NIPBL: variants seen among roughly 807,000 people sequenced by gnomAD.
NIPBL encodes nipped-B-like protein.
NIPBL carries 19 observed loss-of-function variants against 321.8 expected under a neutral mutation model. That is an observed-to-expected ratio of 0.06 (90% confidence interval 0.04 to 0.09). NIPBL has a LOEUF of 0.09. Ranked by LOEUF, NIPBL falls within the 10% of genes least tolerant of loss-of-function variation. The pLI is 1.00. For synonymous variants in NIPBL, 1,106 were observed against 1,114.1 expected (o/e 0.99, Z 0.14); for missense variants, 2,210 against 3,327.0 (o/e 0.66, Z 8.26).
At chr5:37,001,493 A>C (rs2149670921) in intron 14 of NIPBL, among the ~76,000 whole-genome samples, 1 of 152,286 alleles carries the variant, frequency 6.6e-6, no homozygotes, top group East Asian at 1.9e-4. Context: ...AAAAGTCTTT[A>C]TGCAGGTGAG....
At chr5:37,004,746 C>T (rs1747227499) in intron 16 of NIPBL, among the ~76,000 whole-genome samples, 1 of 152,118 alleles carries the variant, frequency 6.6e-6, no homozygotes, top group South Asian at 2.1e-4. Flanking sequence ...ATAAAAGTAA[C>T]ATATTTATTG....
At position 37,044,638 on chromosome 5, in the gene NIPBL, A is replaced by T. The variant is rs953075731; in HGVS notation, c.6252A>T (p.Val2084=). The T allele has an allele frequency of 4.3e-6, 7 of 1,612,426 alleles. No homozygotes were observed. In the African/African-American group the frequency reaches 9.3e-5, roughly 22 times the overall value. The change falls in exon 36 of 47, where the codon GTA becomes GTT. Residue 2084 remains valine (V), a splice_region_variant and synonymous_variant. Transcript: ENST00000282516. The stretch of plus-strand genomic sequence containing the variant: ...TAAACATTTTCTATATCTTTTAGGT[A>T]GTGCAACATTGTGTGAGCTGTCTTG... The part of the protein sequence containing the change: ...MKLIIKYGMT[V]VQHCVSCLGA...
rs748959339 is a variant in NIPBL, at chr5:36,984,743, T to C, written c.1563T>C (p.Asn521=). Residue 521 remains asparagine (N), a synonymous_variant, in exon 10 of 47, where the codon AAT becomes AAC. Transcript: ENST00000282516. The stretch of plus-strand genomic sequence containing the variant: ...AGGCTGGGGGTGCTACAGGAGGTAA[T>C]AGACCAGCTTCTCAGGAGACGGGTT... ...PQEAGGATGG[N]RPASQETGST... 3 of 1,613,634 alleles carry C rather than the reference T, an allele frequency of 1.9e-6. No homozygotes were observed. Among genetic ancestry groups the C allele is most frequent in the Non-Finnish European group, 2.5e-6 (3 of 1,179,724 alleles).
At chr5:37,015,373 C>T (rs1748831784) in intron 22 of NIPBL, among the ~76,000 whole-genome samples, 1 of 152,140 alleles carries the variant, frequency 6.6e-6, no homozygotes, top group South Asian at 2.1e-4. Flanking sequence ...ATCTGCCTGC[C>T]CTGACCTCCC....
chr5:36,963,613 G>A (rs925414239), intron 6 of NIPBL, among the ~76,000 whole-genome samples: 21 of 151,074 alleles, frequency 1.4e-4, no homozygotes, highest in African/African-American at 3.2e-4. Flanking sequence ...ACCAGCCTGC[G>A]CAACATAGTG....
In NIPBL at chr5:37,051,828, G is replaced by A. The variant is rs1375770316; in HGVS notation, c.7004G>A (p.Arg2335Gln). The A allele has an allele frequency of 6.2e-7, 1 of 1,613,564 alleles. No individual in the cohort carries two copies. The highest frequency in any genetic ancestry group is 1.7e-5 in the Admixed American group (1 of 59,974). Residue 2335 changes from arginine to glutamine, a missense_variant, in exon 41 of 47, where the codon CGG becomes CAG. Physicochemically the swap from Arg to Gln is conservative, Grantham distance 43 (BLOSUM62 1). Around this residue, in one of 14 missense-constraint regions of NIPBL, gnomAD observed 112 missense variants for 288.3 expected, o/e 0.39. Transcript: ENST00000282516. ...GGCACAGACCCAGAACCTGCTATGC[G>A]GAACAAGGCTGATCAGCAACTTGTG... is the stretch of plus-strand genomic sequence containing the variant. Reference protein sequence around the residue: ...AMGTDPEPAMRNKADQQLVEI... With the variant: ...AMGTDPEPAMQNKADQQLVEI...
chr5:37,016,967 T>G lies in NIPBL; in HGVS notation c.4777-52T>G, dbSNP rs1239974705. The G allele has an allele frequency of 2.4e-6, 3 of 1,225,916 alleles. No homozygotes were observed. The East Asian group carries it at 7.8e-5, about 32-fold the overall frequency. 75.9% of individuals were successfully genotyped at this position (1,225,916 alleles called of 1,614,324 possible). ...GGGAATTTATATGATAAATTGCTAT[T>G]TAAAATATATTGTTATAAATCTATT... On this transcript the variant is annotated intron_variant, in intron 23 of 46. Coordinates refer to ENST00000282516, the MANE Select transcript of NIPBL (RefSeq NM_133433.4).
chr5:37,020,327 T>A, intron 25 of NIPBL, 132 bp from the exon 26 acceptor site: 3 of 694,706 alleles, frequency 4.3e-6, no homozygotes, highest in Non-Finnish European at 7.6e-6. Flanking sequence ...AAAATCTGTT[T>A]TTATCACATG....
chr5:36,924,181 A>G (rs183275474), intron 1 of NIPBL, among the ~76,000 whole-genome samples: 1 of 152,300 alleles, frequency 6.6e-6, no homozygotes, highest in Admixed American at 6.5e-5. Context: ...CTAATATCCA[A>G]ATTTTTGATC....
At chr5:37,016,195 A>G in intron 23 of NIPBL, 25 bp downstream of exon 23, 2 of 1,607,928 alleles carry the variant, frequency 1.2e-6, no homozygotes, top group East Asian at 2.2e-5. Flanking sequence ...TTTAAAGATT[A>G]TTAGATTACT....
intron 42 of NIPBL, among the ~76,000 whole-genome samples, chr5:37,054,961 C>T (rs1753942776): frequency 6.6e-6 from 1 of 151,090 alleles, no homozygotes. Context: ...AGGACAATTG[C>T]CAAAGAGCAG....
chr5:37,019,406 A>T lies in NIPBL; in HGVS notation c.5010+6A>T. On this transcript the variant is annotated splice_donor_region_variant and intron_variant, in intron 25 of 46. Transcript: ENST00000282516. ...AGACTGATCCTTCACTAGTGGTAGG[A>T]TTCTTTTCCCCTGTTTTGGAGATAC... is the stretch of plus-strand genomic sequence containing the variant. 1 of 1,600,272 alleles carries T rather than the reference A, an allele frequency of 6.2e-7. No individual in the cohort carries two copies. Among genetic ancestry groups the T allele is most frequent in the Middle Eastern group, 1.7e-4 (1 of 6,032 alleles).
At chr5:37,036,241 CAA>C in intron 32 of NIPBL, 136 bp from the exon 33 acceptor site, 1 of 226,432 alleles carries the variant, frequency 4.4e-6, no homozygotes. Flanking sequence ...TTGTTAATGA[CAA>C]ATTGAAAAGT....
intron 3 of NIPBL, among the ~76,000 whole-genome samples, chr5:36,956,317 C>G (rs892423775): frequency 1.3e-5 from 2 of 152,132 alleles, no homozygotes; most frequent in Non-Finnish European, 2.9e-5. Flanking sequence ...ATCTCTCATT[C>G]TTATCCCTTC....
chr5:36,939,491 T>C (rs1159199442), intron 1 of NIPBL, among the ~76,000 whole-genome samples: 1 of 152,242 alleles, frequency 6.6e-6, no homozygotes, highest in Non-Finnish European at 1.5e-5. Flanking sequence ...TCCCTTTTAT[T>C]GTTCTGGCAG....
intron 1 of NIPBL, among the ~76,000 whole-genome samples, chr5:36,896,228 C>G (rs900308709): frequency 4.6e-5 from 7 of 152,198 alleles, no homozygotes; most frequent in Admixed American, 3.3e-4. Flanking sequence ...TGTCAAAAAT[C>G]AGTTGAATGT....
chr5:36,962,349 T>C (rs1741719100), intron 6 of NIPBL, 75 bp downstream of exon 6: 3 of 1,497,938 alleles, frequency 2.0e-6, no homozygotes, highest in South Asian at 2.3e-5. Context: ...TTTTAAAATA[T>C]AATTATTAAA....
intron 6 of NIPBL, among the ~76,000 whole-genome samples, chr5:36,962,476 A>G (rs1264844482): frequency 6.6e-6 from 1 of 152,224 alleles, no homozygotes; most frequent in Non-Finnish European, 1.5e-5. Context: ...AGGAGGTGAA[A>G]GGAGCAGTGT....
At chr5:36,936,789 A>G (rs1327224908) in intron 1 of NIPBL, among the ~76,000 whole-genome samples, 5 of 151,994 alleles carry the variant, frequency 3.3e-5, no homozygotes, top group South Asian at 2.1e-4. Context: ...AAAGTTCCAT[A>G]TTTAAAATGG....
Sources: gnomAD v4.1 joint callset for allele counts (sites outside exome capture counted in the v4.1 genomes callset) on GRCh38, gnomAD v4.1.1 for gene constraint, gnomAD v4.1.1 regional missense constraint, MANE v1.5 for transcripts, NCBI Gene and HGNC (gene_info 2026-07-23, HGNC 2026-07-21) for gene names.